The following CELSR3 variants were observed in gnomAD, a reference collection of about 807,000 sequenced individuals.
CELSR3 encodes the protein EGF-like protein 1.
In CELSR3, 73 loss-of-function variants were observed where a neutral mutation model predicts 270.0. That is an observed-to-expected ratio of 0.27 (90% CI 0.22 to 0.33). The LOEUF is 0.33. Among genes scored for constraint, CELSR3 ranks in the 10% least tolerant of loss-of-function variants. The pLI, the probability that CELSR3 is intolerant of heterozygous loss-of-function variation, is 1.00. For synonymous variants in CELSR3, 1,780 were observed against 1,905.4 expected (o/e 0.93, Z 1.71); for missense variants, 3,614 against 4,533.8 (o/e 0.80, Z 5.83).
Position 48,644,428 on chromosome 3 carries a change from C to T in CELSR3, c.8086-133G>A. Reference sequence around the variant, plus strand: ...AGTGAGAAATTCACACATATACACACACACCAAAGGAGCTTAGCATCACAG... The same window carrying T: ...AGTGAGAAATTCACACATATACACATACACCAAAGGAGCTTAGCATCACAG... On this transcript the variant is annotated intron_variant, in intron 26 of 34. Coordinates refer to ENST00000164024, the MANE Select transcript of CELSR3 (RefSeq NM_001407.3). This position sits in a 1 kb window ranked among gnomAD's most constrained non-coding sequence, Gnocchi z 4.8. 1 of 792,688 alleles carries T rather than the reference C, an allele frequency of 1.3e-6. No individual in the cohort carries two copies. The highest frequency in any genetic ancestry group is 1.7e-5 in the African/African-American group (1 of 58,380). The allele number at this position is 792,688 out of a possible 1,614,324, so 49.1% of individuals were successfully genotyped here. A position where few individuals can be genotyped will look rare whatever the true frequency, so the allele number is the denominator to read the frequency against.
rs367803353 is a variant in CELSR3 at position 48,648,814 on chromosome 3, G to A, written c.6682C>T (p.Arg2228Ter). 6.2e-7 allele frequency: 1 copy of A among 1,612,958 alleles called. No homozygotes were observed. The highest frequency in any genetic ancestry group is 8.5e-7 in the Non-Finnish European group (1 of 1,180,006). The change falls in exon 18 of 35, where the codon CGA becomes TGA. Residue 2228 changes from arginine to a stop codon, truncating the protein, a stop_gained. Transcript: ENST00000164024. LOFTEE classifies it high-confidence loss of function. The stretch of plus-strand genomic sequence containing the variant: ...TGGGCCAGCAGGCGGGCAGTGACTC[G>A]AACATCTTGGCTAAAATAGTGGTCA... ...HTDHYFSQDV[R>*]VTARLLAHLL...
Position 48,648,820 on chromosome 3 carries a change from C to G in CELSR3, c.6676G>C (p.Asp2226His), listed in dbSNP as rs2047111512. The G allele has an allele frequency of 1.9e-6, 3 of 1,613,012 alleles. No homozygotes were observed. The highest frequency in any genetic ancestry group is 2.5e-6 in the Non-Finnish European group (3 of 1,180,020). Reference sequence around the variant, plus strand: ...AGCAGGCGGGCAGTGACTCGAACATCTTGGCTAAAATAGTGGTCAGTGTGG... The same window carrying G: ...AGCAGGCGGGCAGTGACTCGAACATGTTGGCTAAAATAGTGGTCAGTGTGG... ...TGHTDHYFSQ[D>H]VRVTARLLAH... Residue 2226 changes from aspartate (D) to histidine (H), a missense_variant, in exon 18 of 35, where the codon GAT becomes CAT. Physicochemically the swap from Asp to His is moderately conservative, Grantham distance 81. Coordinates refer to ENST00000164024, the MANE Select transcript of CELSR3 (RefSeq NM_001407.3).
Position 48,645,119 on chromosome 3 carries a change from T to C in CELSR3, c.7888A>G (p.Met2630Val). 1.2e-6 allele frequency: 2 copies of C among 1,606,012 alleles called. No individual in the cohort carries two copies. The highest frequency in any genetic ancestry group is 8.5e-7 in the Non-Finnish European group (1 of 1,174,380). Residue 2630 changes from methionine to valine, a missense_variant, in exon 25 of 35, where the codon ATG (methionine) becomes GTG (valine). Around this residue, in one of 7 missense-constraint regions of CELSR3, gnomAD observed 1,240 missense variants for 1,351.7 expected, o/e 0.92. Coordinates refer to ENST00000164024, the MANE Select transcript of CELSR3 (RefSeq NM_001407.3). This position sits in a 1 kb window ranked among gnomAD's most constrained non-coding sequence, Gnocchi z 5.4. ...TCCACGTTGCGTGGCTCAACCTGCATGCGGTAGAGGTGCAGCCCCTGCACG... is the reference window on the plus strand; with the variant it reads ...TCCACGTTGCGTGGCTCAACCTGCACGCGGTAGAGGTGCAGCCCCTGCACG... ...LFVQGLHLYRMQVEPRNVDRG... is the reference protein window; with the variant it reads ...LFVQGLHLYRVQVEPRNVDRG...
At position 48,660,621 on chromosome 3, in the gene CELSR3, G is replaced by A. The variant is rs770888633; in HGVS notation, c.2014C>T (p.His672Tyr). The change falls in exon 1 of 35, where the codon CAC becomes TAC. Residue 672 changes from histidine to tyrosine, a missense_variant. This residue lies in a region of CELSR3 where 354 missense variants were observed against 500.9 expected (regional missense o/e 0.71). Transcript: ENST00000164024. The surrounding 1 kb of genome is among the most constrained non-coding windows in gnomAD (Gnocchi z 5.5). ...ENAPLGHSVI[H>Y]IQAVDADHGE... ...TGGTCTGCATCGACTGCCTGAATGT[G>A]GATGACTGAGTGACCCAAGGGAGCA... 9.9e-6 allele frequency: 16 copies of A among 1,614,204 alleles called. No homozygotes were observed. The highest frequency in any genetic ancestry group is 1.4e-5 in the Non-Finnish European group (16 of 1,180,032).
rs1380844800 is a variant in CELSR3, at chr3:48,650,120, G to C, written c.6472+360C>G. 1.3e-5 allele frequency among the ~76,000 whole-genome samples: 2 copies of C among 151,716 alleles called. No homozygotes were observed. The highest frequency in any genetic ancestry group is 2.9e-5 in the Non-Finnish European group (2 of 67,928). On this transcript the variant is annotated intron_variant, in intron 16 of 34. Coordinates refer to ENST00000164024, the MANE Select transcript of CELSR3 (RefSeq NM_001407.3). The surrounding 1 kb of genome is among the most constrained non-coding windows in gnomAD (Gnocchi z 5.1). ...GTCTCTGAGGATCTCAGGCATCAGAGAAGGGCCCCTGGGGTACTCAGATAG... is the reference window on the plus strand; with the variant it reads ...GTCTCTGAGGATCTCAGGCATCAGACAAGGGCCCCTGGGGTACTCAGATAG...
In CELSR3 at chr3:48,656,839, G is replaced by A; in HGVS notation, c.4258C>T (p.Arg1420Cys). The change falls in exon 2 of 35, where the codon CGC (arginine) becomes TGC (cysteine). Residue 1420 changes from arginine (R) to cysteine (C), a missense_variant. Arg to Cys is a radical substitution (Grantham distance 180). Transcript: ENST00000164024. ...GTGAATCCGGGCGGGCAGCGGCAGC[G>A]CAGGCCAGCGATGGGCTGGATGGGT... Reference protein sequence around the residue: ...FRPIQPIAGLRCRCPPGFTGD... With the variant: ...FRPIQPIAGLCCRCPPGFTGD... 6.2e-7 allele frequency: 1 copy of A among 1,608,150 alleles called. No homozygotes were observed. Among genetic ancestry groups the A allele is most frequent in the Non-Finnish European group, 8.5e-7 (1 of 1,177,140 alleles).
At chr3:48,656,621 A>C in intron 2 of CELSR3, 77 bp downstream of exon 2, 1 of 1,412,972 alleles carries the variant, frequency 7.1e-7, no homozygotes, top group Admixed American at 2.9e-5. Context: ...AGTGACTCCC[A>C]GTACTCACTC....
At position 48,661,720 on chromosome 3, in the gene CELSR3, C is replaced by T. The variant is rs756344456; in HGVS notation, c.915G>A (p.Arg305=). Residue 305 remains arginine, a synonymous_variant, in exon 1 of 35, where the codon AGG becomes AGA. Transcript: ENST00000164024. ...PPGLPARPEA[R]KVTSANRARF... ...GTGCCCGGTTCGCCGAGGTTACTTT[C>T]CTGGCTTCAGGACGGGCCGGGAGTC... 5.7e-6 allele frequency: 9 copies of T among 1,574,362 alleles called. No homozygotes were observed. Among genetic ancestry groups the T allele is most frequent in the Non-Finnish European group, 7.8e-6 (9 of 1,160,306 alleles).
At position 48,651,175 on chromosome 3, in the gene CELSR3, G is replaced by C. The variant is rs1397050615; in HGVS notation, c.6187-100C>G. 1.2e-5 allele frequency: 17 copies of C among 1,444,910 alleles called. No individual in the cohort carries two copies. Among genetic ancestry groups the C allele is most frequent in the Non-Finnish European group, 8.5e-6 (9 of 1,059,468 alleles). The allele number at this position is 1,444,910 out of a possible 1,614,324, so 89.5% of individuals were successfully genotyped here. A position where few individuals can be genotyped will look rare whatever the true frequency, so the allele number is the denominator to read the frequency against. On this transcript the variant is annotated intron_variant, in intron 14 of 34. Transcript: ENST00000164024. This position sits in a 1 kb window ranked among gnomAD's most constrained non-coding sequence, Gnocchi z 7.4. The stretch of plus-strand genomic sequence containing the variant: ...TCAAGAGAACAGTGCTCATGGGCCA[G>C]AGGACACCTGGGTCATGCGTGAAGC...
Position 48,650,544 on chromosome 3 carries a change from A to G in CELSR3, c.6408T>C (p.Gly2136=). ...CAAACTTTGTCTGGGGCCACCACACACCAGATCTCAGGGACTTAGGGCAGG... is the reference window on the plus strand; with the variant it reads ...CAAACTTTGTCTGGGGCCACCACACGCCAGATCTCAGGGACTTAGGGCAGG... ...YDACPKSLRS[G]VWWPQTKFGV... is the part of the protein sequence containing the mutation. Residue 2136 remains glycine (G), a synonymous_variant, in exon 16 of 35, where the codon GGT becomes GGC. Coordinates refer to ENST00000164024, the MANE Select transcript of CELSR3 (RefSeq NM_001407.3). This position sits in a 1 kb window ranked among gnomAD's most constrained non-coding sequence, Gnocchi z 5.1. 1.3e-6 allele frequency: 2 copies of G among 1,596,840 alleles called. No individual in the cohort carries two copies. The highest frequency in any genetic ancestry group is 2.3e-5 in the East Asian group (1 of 44,168).
rs200017251 is a variant in CELSR3 at position 48,639,858 on chromosome 3, A to G, written c.9727T>C (p.Leu3243=). Residue 3243 remains leucine, a synonymous_variant, in exon 34 of 35, where the codon TTG becomes CTG. Coordinates refer to ENST00000164024, the MANE Select transcript of CELSR3 (RefSeq NM_001407.3). The surrounding 1 kb of genome is among the most constrained non-coding windows in gnomAD (Gnocchi z 4.1). The part of the protein sequence containing the change: ...GPSHGPSTEQ[L]DILSSILASF... ...GCAAGGATGGAGGAAAGAATGTCCA[A>G]CTGTTCTGTGGAGGGGCCATGGCTG... is the stretch of plus-strand genomic sequence containing the variant. The G allele has an allele frequency of 4.7e-5, 76 of 1,613,710 alleles. No individual in the cohort carries two copies. The East Asian group carries it at 1.5e-3, about 33-fold the overall frequency.
chr3:48,640,025 G>A lies in CELSR3; in HGVS notation c.9560C>T (p.Pro3187Leu). The A allele has an allele frequency of 1.2e-6, 2 of 1,611,648 alleles. No homozygotes were observed. The highest frequency in any genetic ancestry group is 3.3e-4 in the Middle Eastern group (2 of 6,058). Reference sequence around the variant, plus strand: ...AGACAGAGAGTCCAGCGGCCGGGATGGCAAGAGGGGGTCCCTTGAGAGTTG... The same window carrying A: ...AGACAGAGAGTCCAGCGGCCGGGATAGCAAGAGGGGGTCCCTTGAGAGTTG... ...QRQLSRDPLL[P>L]SRPLDSLSRS... Residue 3187 changes from proline (P) to leucine (L), a missense_variant, in exon 34 of 35, where the codon CCA becomes CTA. By Grantham distance (98) the Pro-to-Leu change is moderately conservative. Coordinates refer to ENST00000164024, the MANE Select transcript of CELSR3 (RefSeq NM_001407.3). This position sits in a 1 kb window ranked among gnomAD's most constrained non-coding sequence, Gnocchi z 7.5.
In CELSR3 at chr3:48,649,172, C is replaced by T. The variant is rs747533228; in HGVS notation, c.6516G>A (p.Glu2172=). The change falls in exon 17 of 35, where the codon GAG becomes GAA. Residue 2172 remains glutamate, a synonymous_variant. Transcript: ENST00000164024. ...RLCDEAQGWL[E]PDLFNCTSPA... ...GGGAGGTACAGTTGAAGAGGTCGGG[C>T]TCCAGCCAACCCTGGGCCTCATCAC... The T allele has an allele frequency of 1.9e-6, 3 of 1,612,224 alleles. No homozygotes were observed. The highest frequency in any genetic ancestry group is 2.2e-5 in the East Asian group (1 of 44,864).
rs761674465 is a variant in CELSR3, at chr3:48,660,130, G to A, written c.2505C>T (p.Asp835=). 6.2e-7 allele frequency: 1 copy of A among 1,614,198 alleles called. No individual in the cohort carries two copies. The highest frequency in any genetic ancestry group is 8.5e-7 in the Non-Finnish European group (1 of 1,180,038). Residue 835 remains aspartate (D), a synonymous_variant, in exon 1 of 35, where the codon GAC becomes GAT. Transcript: ENST00000164024. This position sits in a 1 kb window ranked among gnomAD's most constrained non-coding sequence, Gnocchi z 5.5. ...RYFKLVLTAS[D]RALHDHCYVH... is the part of the protein sequence containing the mutation. ...CATAGCAGTGATCATGAAGGGCACG[G>A]TCAGATGCAGTTAGTACCAGCTTGA...
At position 48,660,989 on chromosome 3, in the gene CELSR3, C is replaced by G. The variant is rs758610671; in HGVS notation, c.1646G>C (p.Arg549Pro). The change falls in exon 1 of 35, where the codon CGC becomes CCC. Residue 549 changes from arginine to proline, a missense_variant. By Grantham distance (103) the Arg-to-Pro change is moderately radical. This residue lies in a region of CELSR3 where 354 missense variants were observed against 500.9 expected (regional missense o/e 0.71). Coordinates refer to ENST00000164024, the MANE Select transcript of CELSR3 (RefSeq NM_001407.3). This position sits in a 1 kb window ranked among gnomAD's most constrained non-coding sequence, Gnocchi z 5.5. ...ATCCTCGCGCACCTGCGCCACGTAG[C>G]GCTTCTCGCTGAACTGAGGAGCATT... The part of the protein sequence containing the change: ...NDNAPQFSEK[R>P]YVAQVREDVR... The G allele has an allele frequency of 3.1e-6, 5 of 1,613,916 alleles. No individual in the cohort carries two copies. In the South Asian group the frequency reaches 4.4e-5, roughly 14 times the overall value.
intron 20 of CELSR3, 56 bp downstream of exon 20, chr3:48,647,785 T>G: frequency 1.3e-6 from 2 of 1,564,338 alleles, no homozygotes; most frequent in Non-Finnish European, 1.7e-6. Flanking sequence ...ACATAGTATC[T>G]GGTTGGGGGG....
Position 48,662,638 on chromosome 3 carries a change from C to T in CELSR3, c.-4G>A, listed in dbSNP as rs766444833. 8.5e-5 allele frequency: 116 copies of T among 1,367,312 alleles called. No homozygotes were observed. The highest frequency in any genetic ancestry group is 1.2e-5 in the Non-Finnish European group (12 of 1,028,216). The allele number at this position is 1,367,312 out of a possible 1,614,324, so 84.7% of individuals were successfully genotyped here. On this transcript the variant is annotated 5_prime_UTR_variant, in exon 1 of 35. Coordinates refer to ENST00000164024, the MANE Select transcript of CELSR3 (RefSeq NM_001407.3). The surrounding 1 kb of genome is among the most constrained non-coding windows in gnomAD (Gnocchi z 7.1). ...ACGGCGGCCGCCTCGCCATCATCCCCCGCCTCCCTGCACGGCCTCCACCGC... is the reference window on the plus strand; with the variant it reads ...ACGGCGGCCGCCTCGCCATCATCCCTCGCCTCCCTGCACGGCCTCCACCGC...
Position 48,645,316 on chromosome 3 carries a change from C to T in CELSR3, c.7798-107G>A. The T allele has an allele frequency of 6.5e-7, 1 of 1,541,254 alleles. No homozygotes were observed. ...CACCCCTAAACCACAATATCTTACC[C>T]CAGCATCCTGCTGAAAACCCTGGCC... On this transcript the variant is annotated intron_variant, in intron 24 of 34. Transcript: ENST00000164024. This position sits in a 1 kb window ranked among gnomAD's most constrained non-coding sequence, Gnocchi z 5.4.
chr3:48,654,541 C>CGGGGGGT lies in CELSR3; in HGVS notation c.4989-90_4989-89insACCCCCC. 3.5e-6 allele frequency: 4 copies of CGGGGGGT among 1,143,808 alleles called. No individual in the cohort carries two copies. The South Asian group carries it at 4.7e-5, about 13-fold the overall frequency. The allele number at this position is 1,143,808 out of a possible 1,614,324, so 70.9% of individuals were successfully genotyped here. A position where few individuals can be genotyped will look rare whatever the true frequency, so the allele number is the denominator to read the frequency against. ...CCACAGGAAGCAGGGGGGTAGGACC[C>CGGGGGGT]AGAGGGTAGGGTGATTGAGGGAGGA... On this transcript the variant is annotated intron_variant, in intron 6 of 34. Transcript: ENST00000164024. The surrounding 1 kb of genome is among the most constrained non-coding windows in gnomAD (Gnocchi z 5.4).
Sources: gnomAD v4.1 joint callset for allele counts (sites outside exome capture counted in the v4.1 genomes callset) on GRCh38, gnomAD v4.1.1 for gene constraint, gnomAD v4.1.1 regional missense constraint, Gnocchi (gnomAD v3.1) non-coding constraint, MANE v1.5 for transcripts, NCBI Gene and HGNC (gene_info 2026-07-23, HGNC 2026-07-21) for gene names.